Variants in ME1 observed in about 807,000 individuals in gnomAD.
The protein encoded by ME1 is malic enzyme 1.
ME1 carries 74 observed loss-of-function variants against 66.4 expected under a neutral mutation model. The observed-to-expected ratio is 1.11, with a 90% confidence interval of 0.92 to 1.35. ME1 has a LOEUF of 1.35. ME1 is among the 40% of genes most tolerant of loss of function. The probability of loss-of-function intolerance (pLI) is 0.00; values close to 1 mark genes in which losing one functional copy is unlikely to be tolerated. For synonymous variants in ME1, 251 were observed against 235.6 expected (o/e 1.07, Z -0.60); for missense variants, 750 against 694.1 (o/e 1.08, Z -0.90).
chr6:83,421,267 C>T (rs1770261230), intron 1 of ME1, among the ~76,000 whole-genome samples: 2 of 152,100 alleles, frequency 1.3e-5, no homozygotes, highest in South Asian at 4.2e-4. Flanking sequence ...AACTATGTAC[C>T]CAGTAAAAAG....
chr6:83,315,336 G>T lies in ME1; in HGVS notation c.678C>A (p.Asp226Glu). The part of the protein sequence containing the change: ...VRGSEYDDFL[D>E]EFMEAVSSKY... ...TGGAAGAAACTGCCTCCATGAATTC[G>T]TCCAAAAAATCATCATATTCAGAAC... Residue 226 changes from aspartate (D) to glutamate (E), a missense_variant, in exon 6 of 14, where the codon GAC becomes GAA. By Grantham distance (45) the Asp-to-Glu change is conservative (BLOSUM62 2). Coordinates refer to ENST00000369705, the MANE Select transcript of ME1 (RefSeq NM_002395.6). 1 of 1,609,944 alleles carries T rather than the reference G, an allele frequency of 6.2e-7. No homozygotes were observed. The highest frequency in any genetic ancestry group is 8.5e-7 in the Non-Finnish European group (1 of 1,177,380).
chr6:83,235,517 A>G (rs1474034222), intron 9 of ME1, among the ~76,000 whole-genome samples: 2 of 139,818 alleles, frequency 1.4e-5, no homozygotes, highest in Non-Finnish European at 1.5e-5. Flanking sequence ...GTCACCCAGG[A>G]TGGAGTGCAG....
chr6:83,417,131 C>G (rs1006153423), intron 1 of ME1, among the ~76,000 whole-genome samples: 6 of 152,094 alleles, frequency 3.9e-5, no homozygotes, highest in African/African-American at 1.2e-4. Flanking sequence ...CTCACTGCAG[C>G]CTCGAATTCC....
chr6:83,255,189 G>A (rs1337593271), intron 6 of ME1, among the ~76,000 whole-genome samples: 1 of 151,944 alleles, frequency 6.6e-6, no homozygotes, highest in Admixed American at 6.6e-5. Flanking sequence ...TATTACTAGT[G>A]TAGCCTAGCA....
At chr6:83,303,295 T>C (rs1767762995) in intron 6 of ME1, among the ~76,000 whole-genome samples, 1 of 152,196 alleles carries the variant, frequency 6.6e-6, no homozygotes, top group Non-Finnish European at 1.5e-5. Flanking sequence ...GCTAGTTGCT[T>C]GTATCTATGT....
intron 9 of ME1, among the ~76,000 whole-genome samples, chr6:83,230,791 G>A (rs1790292897): frequency 6.6e-6 from 1 of 152,070 alleles, no homozygotes; most frequent in South Asian, 2.1e-4. Context: ...AAATTAGCTG[G>A]GCGTGGTGGC....
Position 83,233,950 on chromosome 6 carries a change from C to T in ME1, c.1026+3767G>A, listed in dbSNP as rs187638395. Among the ~76,000 whole-genome samples, 276 of 151,986 alleles carry T rather than the reference C, an allele frequency of 1.8e-3. 1 individual carries two copies. The highest frequency in any genetic ancestry group is 2.4e-3 in the Non-Finnish European group (165 of 67,958). Reference sequence around the variant, plus strand: ...TGTATCTTTTATATTAAATAGTGTACAAGCTATTAAATATATAACAACCTT... The same window carrying T: ...TGTATCTTTTATATTAAATAGTGTATAAGCTATTAAATATATAACAACCTT... On this transcript the variant is annotated intron_variant, in intron 9 of 13. Coordinates refer to ENST00000369705, the MANE Select transcript of ME1 (RefSeq NM_002395.6).
chr6:83,301,507 T>C (rs1443287000), intron 6 of ME1, among the ~76,000 whole-genome samples: 2 of 152,028 alleles, frequency 1.3e-5, no homozygotes, highest in African/African-American at 4.8e-5. Flanking sequence ...CATGCCTGGC[T>C]AATTTTTGTA....
chr6:83,321,419 G>A (rs1768171145), intron 5 of ME1, among the ~76,000 whole-genome samples: 1 of 152,108 alleles, frequency 6.6e-6, no homozygotes, highest in South Asian at 2.1e-4. Context: ...TGAAATTCTT[G>A]CTGCCAGCAC....
rs547458555 is a variant in ME1 at position 83,215,035 on chromosome 6, A to G, written c.1548+1463T>C. On this transcript the variant is annotated intron_variant, in intron 13 of 13. Coordinates refer to ENST00000369705, the MANE Select transcript of ME1 (RefSeq NM_002395.6). ...ATAATATGCTATTCAGTATATTAAT[A>G]GTTTAAACTACTTAAAAACTAGCAG... is the stretch of plus-strand genomic sequence containing the variant. Among the ~76,000 whole-genome samples the G allele has an allele frequency of 2.1e-3, 322 of 152,368 alleles. 1 individual carries two copies. The highest frequency in any genetic ancestry group is 3.5e-3 in the Non-Finnish European group (241 of 68,038).
At chr6:83,220,296 C>A (rs1168091842) in intron 12 of ME1, among the ~76,000 whole-genome samples, 3 of 152,144 alleles carry the variant, frequency 2.0e-5, no homozygotes, top group Non-Finnish European at 2.9e-5. Context: ...TGAGAAGACA[C>A]CAGCCTGTGA....
intron 11 of ME1, among the ~76,000 whole-genome samples, chr6:83,226,168 A>C (rs1249620741): frequency 2.0e-5 from 3 of 152,082 alleles, no homozygotes; most frequent in Non-Finnish European, 2.9e-5. Context: ...AATAACTTTC[A>C]ATGTTTTATG....
intron 7 of ME1, 121 bp from the exon 8 acceptor site, chr6:83,239,757 G>A (rs1369960000): frequency 3.0e-6 from 2 of 660,336 alleles, no homozygotes; most frequent in Admixed American, 5.0e-5. Context: ...AGAAACCTGT[G>A]GTTGTCTTAT....
chr6:83,387,550 C>T (rs1453358714), intron 3 of ME1, among the ~76,000 whole-genome samples: 2 of 151,778 alleles, frequency 1.3e-5, no homozygotes, highest in Admixed American at 6.6e-5. Context: ...CATTTCTAAT[C>T]GTGGTCATGA....
Position 83,306,011 on chromosome 6 carries a change from C to T in ME1, c.704+9299G>A, listed in dbSNP as rs1248538274. 6.6e-5 allele frequency among the ~76,000 whole-genome samples: 10 copies of T among 152,094 alleles called. No individual in the cohort carries two copies. The South Asian group carries it at 1.0e-3, about 16-fold the overall frequency. On this transcript the variant is annotated intron_variant, in intron 6 of 13. Transcript: ENST00000369705. ...TGCTTTACCTTTGTCTATAAACACA[C>T]GTAAATTAAGGATGGCAAGAAAAAA... is the stretch of plus-strand genomic sequence containing the variant.
chr6:83,367,129 T>C (rs977177660), intron 3 of ME1, among the ~76,000 whole-genome samples: 1 of 152,206 alleles, frequency 6.6e-6, no homozygotes, highest in Admixed American at 6.5e-5. Context: ...CAAGGTGCAT[T>C]GTCAATGAGC....
chr6:83,341,831 G>T (rs1408600826), intron 5 of ME1, among the ~76,000 whole-genome samples: 1 of 152,078 alleles, frequency 6.6e-6, no homozygotes, highest in Non-Finnish European at 1.5e-5. Flanking sequence ...TACCTTTTCT[G>T]CTGGCAGATG....
chr6:83,282,687 G>A (rs924351573), intron 6 of ME1, among the ~76,000 whole-genome samples: 3 of 152,138 alleles, frequency 2.0e-5, no homozygotes, highest in Non-Finnish European at 2.9e-5. Flanking sequence ...CAATCATTGT[G>A]GAAAACAGTG....
intron 3 of ME1, among the ~76,000 whole-genome samples, chr6:83,387,851 T>A (rs1027844473): frequency 1.4e-4 from 21 of 152,146 alleles, no homozygotes; most frequent in African/African-American, 5.1e-4. Context: ...TTGTTGATAA[T>A]CTGTGACATT....
Sources: gnomAD v4.1 joint callset for allele counts (sites outside exome capture counted in the v4.1 genomes callset) on GRCh38, gnomAD v4.1.1 for gene constraint, MANE v1.5 for transcripts, NCBI Gene and HGNC (gene_info 2026-07-23, HGNC 2026-07-21) for gene names.